Variants in ASAP1 observed in about 807,000 individuals in gnomAD.
The protein encoded by ASAP1 is ArfGAP with SH3 domain, ankyrin repeat and PH domain 1, also known as arf-GAP with SH3 domain, ANK repeat and PH domain-containing protein 1.
In ASAP1, 43 loss-of-function variants were observed where a neutral mutation model predicts 145.2. The ratio of observed to expected loss-of-function variants is 0.30; its 90% CI spans 0.23 to 0.38. The LOEUF is 0.38. Ranked by LOEUF, ASAP1 falls within the 10% of genes least tolerant of loss-of-function variation. The probability of loss-of-function intolerance (pLI) is 1.00; values close to 1 mark genes in which losing one functional copy is unlikely to be tolerated. For synonymous variants in ASAP1, 546 were observed against 515.5 expected (o/e 1.06, Z -0.80); for missense variants, 1,018 against 1,355.3 (o/e 0.75, Z 3.91).
intron 5 of ASAP1, among the ~76,000 whole-genome samples, chr8:130,210,652 C>T (rs1338598833): frequency 6.6e-6 from 1 of 152,152 alleles, no homozygotes; most frequent in Non-Finnish European, 1.5e-5. Flanking sequence ...TGGGCCTTTA[C>T]CATCCACATA....
At chr8:130,337,990 C>G (rs1244369737) in intron 3 of ASAP1, among the ~76,000 whole-genome samples, 6 of 152,178 alleles carry the variant, frequency 3.9e-5, no homozygotes, top group Admixed American at 6.5e-5. Context: ...TGCTTCACAA[C>G]AATCGTTGAA....
chr8:130,401,465 G>A (rs1478826261), intron 2 of ASAP1, among the ~76,000 whole-genome samples: 3 of 151,956 alleles, frequency 2.0e-5, no homozygotes, highest in African/African-American at 4.8e-5. Flanking sequence ...GGCTGGTTTC[G>A]AGCTCCTGAC....
chr8:130,384,717 G>C (rs1336090965), intron 2 of ASAP1, among the ~76,000 whole-genome samples: 2 of 152,122 alleles, frequency 1.3e-5, no homozygotes, highest in Non-Finnish European at 2.9e-5. Flanking sequence ...CCTGACCTCA[G>C]GTGATCCACT....
At chr8:130,290,044 C>T (rs962676775) in intron 3 of ASAP1, among the ~76,000 whole-genome samples, 1 of 152,164 alleles carries the variant, frequency 6.6e-6, no homozygotes, top group Non-Finnish European at 1.5e-5. Flanking sequence ...TCCTGGTACT[C>T]GACAGTTGGC....
At chr8:130,119,813 TA>T (rs1156471410) in intron 18 of ASAP1, among the ~76,000 whole-genome samples, 3 of 152,114 alleles carry the variant, frequency 2.0e-5, no homozygotes, top group Non-Finnish European at 4.4e-5. Context: ...TTTTTTTTTT[TA>T]ATCTGAAAAT....
intron 3 of ASAP1, among the ~76,000 whole-genome samples, chr8:130,243,286 TA>T (rs1024852935): frequency 2.0e-5 from 3 of 152,156 alleles, no homozygotes; most frequent in Non-Finnish European, 4.4e-5. Context: ...CACTCTACCT[TA>T]TTTTTTAGAT....
intron 3 of ASAP1, among the ~76,000 whole-genome samples, chr8:130,259,973 C>T (rs1819795076): frequency 6.6e-6 from 1 of 152,192 alleles, no homozygotes; most frequent in Non-Finnish European, 1.5e-5. Flanking sequence ...ACTCTTCTCT[C>T]TTCCAAAAAC....
intron 27 of ASAP1, 21 bp downstream of exon 27, chr8:130,076,327 T>C: frequency 2.5e-6 from 4 of 1,592,444 alleles, no homozygotes; most frequent in Non-Finnish European, 3.4e-6. Flanking sequence ...TACATGTAAA[T>C]GTAAAAATGA....
rs559572185 is a variant in ASAP1 at position 130,357,491 on chromosome 8, G to C, written c.186+526C>G. Reference sequence around the variant, plus strand: ...ACTAACAGGGAGGACTCCTGGAGTGGATACAGTCCCAGCCTGAGTTCTCTC... The same window carrying C: ...ACTAACAGGGAGGACTCCTGGAGTGCATACAGTCCCAGCCTGAGTTCTCTC... On this transcript the variant is annotated intron_variant, in intron 3 of 29. Coordinates refer to ENST00000518721, the MANE Select transcript of ASAP1 (RefSeq NM_018482.4). Among the ~76,000 whole-genome samples the C allele has an allele frequency of 3.5e-4, 54 of 152,370 alleles. No individual in the cohort carries two copies. The South Asian group carries it at 0.011, about 30-fold the overall frequency.
At chr8:130,165,351 A>G (rs1222851317) in intron 11 of ASAP1, among the ~76,000 whole-genome samples, 1 of 152,146 alleles carries the variant, frequency 6.6e-6, no homozygotes, top group Non-Finnish European at 1.5e-5. Context: ...ATAAACAAAA[A>G]AACCCCAAAA....
chr8:130,147,888 T>C (rs958236432), intron 13 of ASAP1, among the ~76,000 whole-genome samples: 6 of 152,224 alleles, frequency 3.9e-5, no homozygotes, highest in African/African-American at 1.4e-4. Context: ...CTATTAAAAA[T>C]ACTGTTGGTG....
chr8:130,435,226 C>G (rs749323016), intron 1 of ASAP1, among the ~76,000 whole-genome samples: 2 of 152,222 alleles, frequency 1.3e-5, no homozygotes, highest in Non-Finnish European at 2.9e-5. Flanking sequence ...CATAACTAGT[C>G]AGTATCCATT....
At chr8:130,414,179 G>A (rs1829380470) in intron 1 of ASAP1, among the ~76,000 whole-genome samples, 1 of 152,206 alleles carries the variant, frequency 6.6e-6, no homozygotes, top group Admixed American at 6.5e-5. Flanking sequence ...CAGAACAGTA[G>A]GTTCAAAGGC....
At chr8:130,107,000 C>A (rs2097537859) in intron 24 of ASAP1, among the ~76,000 whole-genome samples, 1 of 152,174 alleles carries the variant, frequency 6.6e-6, no homozygotes, top group African/African-American at 2.4e-5. Context: ...TTACTGAATG[C>A]TCACTACGTG....
intron 5 of ASAP1, chr8:130,195,426 C>T (rs7014800): frequency 0.48 from 71,013 of 149,080 alleles, 17,998 homozygotes; most frequent in East Asian, 0.69. Context: ...TGATGGCGCA[C>T]GCCTGTAGTT....
chr8:130,175,973 C>T (rs766971752), intron 9 of ASAP1, among the ~76,000 whole-genome samples: 6 of 152,102 alleles, frequency 3.9e-5, no homozygotes, highest in Non-Finnish European at 8.8e-5. Flanking sequence ...CATAATGACA[C>T]TTGTGAGGAG....
chr8:130,272,754 A>G (rs1820661087), intron 3 of ASAP1, among the ~76,000 whole-genome samples: 1 of 152,244 alleles, frequency 6.6e-6, no homozygotes, highest in African/African-American at 2.4e-5. Context: ...AGGCATAGAA[A>G]GAACAATATC....
rs140937915 is a variant in ASAP1 at position 130,393,188 on chromosome 8, T to C, written c.59+8697A>G. On this transcript the variant is annotated intron_variant, in intron 2 of 29. Coordinates refer to ENST00000518721, the MANE Select transcript of ASAP1 (RefSeq NM_018482.4). Reference sequence around the variant, plus strand: ...TCTTGTTTGTAGCGGTTTACCATTTTAAATGATGCTCCAATGGATATCTTT... The same window carrying C: ...TCTTGTTTGTAGCGGTTTACCATTTCAAATGATGCTCCAATGGATATCTTT... 2.0e-5 allele frequency among the ~76,000 whole-genome samples: 3 copies of C among 152,318 alleles called. No individual in the cohort carries two copies. The East Asian group carries it at 5.8e-4, about 29-fold the overall frequency.
chr8:130,143,632 C>G (rs1011310697), intron 13 of ASAP1, among the ~76,000 whole-genome samples: 1 of 152,172 alleles, frequency 6.6e-6, no homozygotes, highest in Non-Finnish European at 1.5e-5. Context: ...AGATATCCCT[C>G]TGACATAACA....
Sources: gnomAD v4.1 joint callset for allele counts (sites outside exome capture counted in the v4.1 genomes callset) on GRCh38, gnomAD v4.1.1 for gene constraint, MANE v1.5 for transcripts, NCBI Gene and HGNC (gene_info 2026-07-23, HGNC 2026-07-21) for gene names.